Variants in UNC13C observed in about 807,000 individuals in gnomAD.
UNC13C encodes protein unc-13 homolog C.
Under a neutral mutation model 245.4 loss-of-function variants are expected in UNC13C, and 174 were observed. That is an observed-to-expected ratio of 0.71 (90% CI 0.63 to 0.80). The LOEUF (loss-of-function observed/expected upper bound fraction) is 0.80. Among genes scored for constraint, UNC13C ranks in the 30% least tolerant of loss-of-function variants. The probability of loss-of-function intolerance (pLI) is 0.00; values close to 1 mark genes in which losing one functional copy is unlikely to be tolerated. For synonymous variants in UNC13C, 992 were observed against 895.1 expected (o/e 1.11, Z -1.93); for missense variants, 2,829 against 2,602.9 (o/e 1.09, Z -1.89).
intron 1 of UNC13C, among the ~76,000 whole-genome samples, chr15:53,987,944 T>A (rs1377845242): frequency 6.6e-6 from 1 of 152,032 alleles, no homozygotes; most frequent in East Asian, 1.9e-4. Context: ...TGTGAGCAGC[T>A]TTTGCAGGAG....
At chr15:53,954,282 C>G in the UNC13C span, among the ~76,000 whole-genome samples, 1 of 152,194 alleles carries the variant, frequency 6.6e-6, no homozygotes, top group Non-Finnish European at 1.5e-5. Context: ...ATTTGTCCCA[C>G]TAGAGTGTGT....
chr15:54,125,225 A>G (rs1000373548), intron 2 of UNC13C, among the ~76,000 whole-genome samples: 2 of 152,138 alleles, frequency 1.3e-5, no homozygotes, highest in Non-Finnish European at 2.9e-5. Flanking sequence ...GCACTTTGAG[A>G]GGCCATGGCA....
chr15:54,027,260 T>G (rs1205972136), intron 2 of UNC13C, among the ~76,000 whole-genome samples: 1 of 152,062 alleles, frequency 6.6e-6, no homozygotes, highest in East Asian at 1.9e-4. Flanking sequence ...GTCTTTTGAA[T>G]TTTTCGGAGA....
chr15:53,937,596 GT>G, the UNC13C span, among the ~76,000 whole-genome samples: 1 of 152,108 alleles, frequency 6.6e-6, no homozygotes, highest in Non-Finnish European at 1.5e-5. Context: ...GTTCTCCAAG[GT>G]TGAAATGAAA....
intron 14 of UNC13C, among the ~76,000 whole-genome samples, chr15:54,330,139 A>T (rs896564168): frequency 1.3e-5 from 2 of 152,044 alleles, no homozygotes; most frequent in African/African-American, 4.8e-5. Context: ...TAGGTGGGAA[A>T]AGGGAAGAAA....
chr15:54,500,636 A>C (rs1894164768), intron 21 of UNC13C, among the ~76,000 whole-genome samples, 199 bp from the exon 22 acceptor site: 1 of 152,172 alleles, frequency 6.6e-6, no homozygotes. Context: ...ACCAATTAGC[A>C]GTAGCTTGCC....
At chr15:53,936,681 C>T in the UNC13C span, among the ~76,000 whole-genome samples, 1 of 152,208 alleles carries the variant, frequency 6.6e-6, no homozygotes, top group Non-Finnish European at 1.5e-5. Flanking sequence ...CAGGCTGCCA[C>T]CTTTGCTGTT....
chr15:54,129,119 T>C (rs1427674034), intron 2 of UNC13C, among the ~76,000 whole-genome samples: 1 of 152,176 alleles, frequency 6.6e-6, no homozygotes, highest in Non-Finnish European at 1.5e-5. Flanking sequence ...ATGACCAGAA[T>C]TGTTAGTTGC....
intron 4 of UNC13C, among the ~76,000 whole-genome samples, chr15:54,157,932 C>T (rs917986561): frequency 6.6e-6 from 1 of 152,164 alleles, no homozygotes; most frequent in Non-Finnish European, 1.5e-5. Flanking sequence ...TCTATCTACT[C>T]CTAATGGTCT....
At chr15:53,938,784 A>G in the UNC13C span, among the ~76,000 whole-genome samples, 1 of 152,218 alleles carries the variant, frequency 6.6e-6, no homozygotes, top group East Asian at 1.9e-4. Flanking sequence ...TAAGGCAGAA[A>G]TCAAGAAGTT....
intron 1 of UNC13C, among the ~76,000 whole-genome samples, chr15:53,994,228 A>T (rs926191031): frequency 7.7e-6 from 1 of 129,074 alleles, no homozygotes; most frequent in African/African-American, 3.3e-5. Flanking sequence ...TTGATATTTA[A>T]ATTCCTTACT....
intron 2 of UNC13C, among the ~76,000 whole-genome samples, chr15:54,072,715 A>T (rs188760119): frequency 6.6e-6 from 1 of 152,178 alleles, no homozygotes; most frequent in South Asian, 2.1e-4. Context: ...TTTTGTCCTC[A>T]TTTGTCTTAT....
chr15:54,393,289 T>A, intron 18 of UNC13C, 108 bp downstream of exon 18: 2 of 969,348 alleles, frequency 2.1e-6, no homozygotes, highest in Non-Finnish European at 2.8e-6. Context: ...TTTCCATAAT[T>A]AAGCTATAGA....
intron 2 of UNC13C, among the ~76,000 whole-genome samples, chr15:54,064,169 G>A (rs976340558): frequency 1.3e-5 from 2 of 151,842 alleles, no homozygotes; most frequent in African/African-American, 4.8e-5. Flanking sequence ...AACCTATAAA[G>A]GTCAAGTGCA....
In UNC13C at chr15:54,047,189, C is replaced by T. The variant is rs148209633; in HGVS notation, c.2983+31303C>T. ...TTCAGGGCCTATTGCCTGACCATCTCAAGTCAGGAAAGGAGTGAGGAGAAG... is the reference window on the plus strand; with the variant it reads ...TTCAGGGCCTATTGCCTGACCATCTTAAGTCAGGAAAGGAGTGAGGAGAAG... On this transcript the variant is annotated intron_variant, in intron 2 of 32. Transcript: ENST00000260323. Among the ~76,000 whole-genome samples, 567 of 152,124 alleles carry T rather than the reference C, an allele frequency of 3.7e-3. 6 individuals carry two copies. The highest frequency in any genetic ancestry group is 0.013 in the African/African-American group (555 of 41,514).
chr15:53,898,182 T>C, the UNC13C span, among the ~76,000 whole-genome samples: 1 of 141,646 alleles, frequency 7.1e-6, no homozygotes, highest in Non-Finnish European at 1.5e-5. Context: ...TATACAGAGA[T>C]AATGACCACC....
At chr15:54,244,948 C>T (rs1233662518) in intron 7 of UNC13C, among the ~76,000 whole-genome samples, 1 of 152,142 alleles carries the variant, frequency 6.6e-6, no homozygotes, top group East Asian at 1.9e-4. Flanking sequence ...TATTTGAATA[C>T]ACTTTATTTC....
At chr15:54,360,925 T>C (rs1291473693) in intron 17 of UNC13C, among the ~76,000 whole-genome samples, 1 of 152,188 alleles carries the variant, frequency 6.6e-6, no homozygotes, top group Non-Finnish European at 1.5e-5. Context: ...GTGATTATTA[T>C]TTGCCTTGGG....
At chr15:54,052,446 T>A (rs1897312671) in intron 2 of UNC13C, among the ~76,000 whole-genome samples, 1 of 151,682 alleles carries the variant, frequency 6.6e-6, no homozygotes, top group African/African-American at 2.4e-5. Context: ...TTTTTAATGA[T>A]TGCCATTCTA....
Sources: gnomAD v4.1 joint callset for allele counts (sites outside exome capture counted in the v4.1 genomes callset) on GRCh38, gnomAD v4.1.1 for gene constraint, MANE v1.5 for transcripts, NCBI Gene and HGNC (gene_info 2026-07-23, HGNC 2026-07-21) for gene names.